Variants in LIMCH1 observed in about 807,000 individuals in gnomAD.
LIMCH1 encodes the protein LIM and calponin homology domains-containing protein 1.
In LIMCH1, 113 loss-of-function variants were observed where a neutral mutation model predicts 176.5. The observed-to-expected ratio is 0.64, with a 90% CI of 0.55 to 0.75. The LOEUF is 0.75. Ranked by LOEUF, LIMCH1 falls within the 30% of genes least tolerant of loss-of-function variation. The probability of loss-of-function intolerance (pLI) is 0.00; values close to 1 mark genes in which losing one functional copy is unlikely to be tolerated. For missense variants in LIMCH1, 1,674 were observed against 1,814.9 expected (o/e 0.92, Z 1.41); for synonymous variants, 619 against 645.9 (o/e 0.96, Z 0.63).
intron 3 of LIMCH1, among the ~76,000 whole-genome samples, chr4:41,531,239 A>G (rs1160445008): frequency 6.6e-6 from 1 of 152,080 alleles, no homozygotes; most frequent in Admixed American, 6.5e-5. Context: ...AAATTTATTA[A>G]TTCAACCAAA....
At chr4:41,612,342 AT>A in intron 4 of LIMCH1, 1 of 557,616 alleles carries the variant, frequency 1.8e-6, no homozygotes, top group Non-Finnish European at 3.2e-6. Context: ...AAGAATATTT[AT>A]TTTTCCTTTC....
chr4:41,386,267 A>G (rs1367955668), intron 1 of LIMCH1, among the ~76,000 whole-genome samples: 1 of 152,194 alleles, frequency 6.6e-6, no homozygotes, highest in Admixed American at 6.5e-5. Context: ...GAGGACCTAC[A>G]GGAACATCAG....
Position 41,697,729 on chromosome 4 carries a change from A to T in LIMCH1, c.*544A>T, listed in dbSNP as rs886691081. ...TTTAATGCAAAGACACTAGTTTGATAATATATACTGTAATCCTGAAACATT... is the reference window on the plus strand; with the variant it reads ...TTTAATGCAAAGACACTAGTTTGATTATATATACTGTAATCCTGAAACATT... On this transcript the variant is annotated 3_prime_UTR_variant, in exon 32 of 32. Transcript: ENST00000503057. The T allele has an allele frequency of 1.3e-5, 2 of 152,774 alleles. No individual in the cohort carries two copies. Among genetic ancestry groups the T allele is most frequent in the African/African-American group, 4.8e-5 (2 of 41,460 alleles). The allele number at this position is 152,774 out of a possible 1,614,324, so 9.5% of individuals were successfully genotyped here. A position where few individuals can be genotyped will look rare whatever the true frequency, so the allele number is the denominator to read the frequency against.
intron 1 of LIMCH1, among the ~76,000 whole-genome samples, chr4:41,566,272 C>T (rs2082759846): frequency 6.6e-6 from 1 of 152,152 alleles, no homozygotes; most frequent in African/African-American, 2.4e-5. Context: ...TTAATGGCAT[C>T]TAGCATGATG....
chr4:41,693,648 T>C (rs1423530638), intron 31 of LIMCH1, among the ~76,000 whole-genome samples: 1 of 151,682 alleles, frequency 6.6e-6, no homozygotes, highest in Non-Finnish European at 1.5e-5. Context: ...AATAATTATA[T>C]ACATTTTATT....
At chr4:41,454,802 T>C (rs1028003248) in intron 1 of LIMCH1, among the ~76,000 whole-genome samples, 1 of 152,170 alleles carries the variant, frequency 6.6e-6, no homozygotes, top group Non-Finnish European at 1.5e-5. Flanking sequence ...ATGGTAGGTA[T>C]GGTTTAAGGG....
At chr4:41,484,556 C>G (rs2069192037) in intron 1 of LIMCH1, among the ~76,000 whole-genome samples, 1 of 152,162 alleles carries the variant, frequency 6.6e-6, no homozygotes, top group African/African-American at 2.4e-5. Flanking sequence ...AGATGTTCTT[C>G]TTGTGAATTA....
intron 1 of LIMCH1, among the ~76,000 whole-genome samples, chr4:41,414,696 C>G (rs931758949): frequency 6.6e-6 from 1 of 152,108 alleles, no homozygotes; most frequent in Non-Finnish European, 1.5e-5. Flanking sequence ...ATTTCATACT[C>G]CTAGAATGCC....
At chr4:41,382,583 A>G (rs1257392114) in intron 1 of LIMCH1, among the ~76,000 whole-genome samples, 2 of 152,110 alleles carry the variant, frequency 1.3e-5, no homozygotes, top group African/African-American at 4.8e-5. Flanking sequence ...AGGTGTGGAA[A>G]GGAGGGGAGG....
At position 41,678,367 on chromosome 4, in the gene LIMCH1, A is replaced by G. The variant is rs148899750; in HGVS notation, c.3520-1639A>G. 1.2e-3 allele frequency among the ~76,000 whole-genome samples: 176 copies of G among 152,208 alleles called. 2 individuals are homozygous for G. In the East Asian group the frequency reaches 0.018, roughly 15 times the overall value. On this transcript the variant is annotated intron_variant, in intron 23 of 31. Coordinates refer to ENST00000503057, the MANE Select transcript of LIMCH1 (RefSeq NM_001330672.2). Reference sequence around the variant, plus strand: ...AGTTTGGCATTTTGTAACTTGCAGAAGGTTAAGCCTTCAATACCAAACTGT... The same window carrying G: ...AGTTTGGCATTTTGTAACTTGCAGAGGGTTAAGCCTTCAATACCAAACTGT...
chr4:41,457,679 C>T (rs949630782), intron 1 of LIMCH1, among the ~76,000 whole-genome samples: 25 of 152,214 alleles, frequency 1.6e-4, no homozygotes, highest in East Asian at 1.2e-3. Context: ...ACATCCCTAA[C>T]GAAGGTGAAG....
chr4:41,609,557 C>T (rs2091172971), intron 4 of LIMCH1: 8 of 437,458 alleles, frequency 1.8e-5, no homozygotes, highest in Non-Finnish European at 2.7e-5. Flanking sequence ...AAATGTTGAG[C>T]AGTAAAAGAG....
intron 2 of LIMCH1, among the ~76,000 whole-genome samples, chr4:41,523,224 T>C (rs896843680): frequency 1.3e-5 from 2 of 152,214 alleles, no homozygotes; most frequent in Non-Finnish European, 2.9e-5. Flanking sequence ...TGTTATAACC[T>C]TGGATTGCAT....
At chr4:41,455,134 C>G (rs1464554638) in intron 1 of LIMCH1, among the ~76,000 whole-genome samples, 1 of 152,102 alleles carries the variant, frequency 6.6e-6, no homozygotes, top group Non-Finnish European at 1.5e-5. Flanking sequence ...TAGAATGCAA[C>G]TTTTCCAGAT....
intron 9 of LIMCH1, 24 bp from the exon 10 acceptor site, chr4:41,631,124 G>T: frequency 6.9e-7 from 1 of 1,458,650 alleles, no homozygotes; most frequent in East Asian, 2.5e-5. Context: ...GACACTTTTA[G>T]AACTTATTTC....
At chr4:41,367,205 A>G (rs1043541458) in intron 1 of LIMCH1, among the ~76,000 whole-genome samples, 1 of 152,220 alleles carries the variant, frequency 6.6e-6, no homozygotes, top group Non-Finnish European at 1.5e-5. Flanking sequence ...GCCAAACCAT[A>G]TCAGGATGGC....
intron 13 of LIMCH1, among the ~76,000 whole-genome samples, chr4:41,636,340 C>CTTTTTTTTTTTT (rs35828085): frequency 9.5e-6 from 1 of 104,946 alleles, no homozygotes; most frequent in Admixed American, 1.0e-4. Context: ...TGCTTTATTA[C>CTTTTTTTTTTTT]TTTTTTTTTT....
intron 1 of LIMCH1, among the ~76,000 whole-genome samples, chr4:41,405,475 C>T (rs746558197): frequency 9.2e-5 from 14 of 152,068 alleles, no homozygotes; most frequent in South Asian, 2.1e-4. Context: ...GATTAATCAC[C>T]GTCCCCTTGA....
upstream of LIMCH1, chr4:41,359,703 C>T (rs914720133): frequency 6.6e-6 from 1 of 152,124 alleles, no homozygotes; most frequent in Non-Finnish European, 1.5e-5. Flanking sequence ...TCTGGAAACC[C>T]CCTAACCACC....
Sources: allele counts gnomAD v4.1 joint callset (sites outside exome capture counted in the v4.1 genomes callset), GRCh38; gene constraint gnomAD v4.1.1; transcripts MANE v1.5; gene names NCBI Gene and HGNC (gene_info 2026-07-23, HGNC 2026-07-21).